DAPK2: variants seen among roughly 807,000 people sequenced by gnomAD.
DAPK2 encodes death associated protein kinase 2, also known as death-associated protein kinase 2.
A neutral mutation model predicts 44.1 loss-of-function variants in DAPK2; 35 were observed. The observed-to-expected ratio is 0.79, with a 90% confidence interval of 0.61 to 1.05. The LOEUF is 1.05. DAPK2 is among the 50% of genes least tolerant of loss of function. The probability of loss-of-function intolerance (pLI) is 0.00; values close to 1 mark genes in which losing one functional copy is unlikely to be tolerated. For synonymous variants in DAPK2, 174 were observed against 182.6 expected (o/e 0.95, Z 0.38); for missense variants, 453 against 483.2 (o/e 0.94, Z 0.59).
intron 1 of DAPK2, among the ~76,000 whole-genome samples, chr15:63,989,839 G>A (rs532891921): frequency 2.6e-5 from 4 of 152,042 alleles, no homozygotes; most frequent in African/African-American, 4.8e-5. Context: ...TTACAGGTGC[G>A]CACCATTATA....
At chr15:63,945,926 C>T (rs1042044367) in intron 3 of DAPK2, among the ~76,000 whole-genome samples, 7 of 152,262 alleles carry the variant, frequency 4.6e-5, no homozygotes, top group African/African-American at 1.7e-4. Flanking sequence ...CTGCTGGGTC[C>T]AAGCCAGAGT....
chr15:63,991,609 CA>C (rs2078821981), intron 1 of DAPK2, among the ~76,000 whole-genome samples: 1 of 152,168 alleles, frequency 6.6e-6, no homozygotes, highest in South Asian at 2.1e-4. Flanking sequence ...CGCCCCCACC[CA>C]TGAGGCCTAA....
intron 3 of DAPK2, among the ~76,000 whole-genome samples, chr15:63,953,500 T>C (rs1281900501): frequency 1.3e-5 from 2 of 152,216 alleles, no homozygotes; most frequent in Non-Finnish European, 2.9e-5. Flanking sequence ...ATTTACCACA[T>C]TTTCTTTATC....
chr15:64,024,305 G>A (rs1439899576), intron 1 of DAPK2, among the ~76,000 whole-genome samples: 2 of 152,200 alleles, frequency 1.3e-5, no homozygotes, highest in Non-Finnish European at 2.9e-5. Context: ...TCTCGAAGGA[G>A]GAAAGTGATC....
At chr15:64,010,956 G>A (rs1303755146) in intron 1 of DAPK2, among the ~76,000 whole-genome samples, 2 of 152,226 alleles carry the variant, frequency 1.3e-5, no homozygotes, top group Non-Finnish European at 2.9e-5. Flanking sequence ...GCAACCCCAT[G>A]TGGAGGTGGC....
rs1233918566 is a variant in DAPK2 at position 64,036,307 on chromosome 15, G to GTATATATATATATA, written c.92+3862_92+3863insTATATATATATATA. Reference sequence around the variant, plus strand: ...TGTGTGTGTGTGTGTGTGTGTGTGTGTGTATATATATGTATATATATATAT... The same window carrying GTATATATATATATA: ...TGTGTGTGTGTGTGTGTGTGTGTGTGTATATATATATATATGTATATATATGTATATATATATAT... On this transcript the variant is annotated intron_variant, in intron 1 of 10. Coordinates refer to ENST00000261891, the Ensembl canonical transcript of DAPK2. 2.9e-3 allele frequency among the ~76,000 whole-genome samples: 152 copies of GTATATATATATATA among 53,102 alleles called. 2 individuals are homozygous for GTATATATATATATA. In the East Asian group the frequency reaches 0.037, roughly 13 times the overall value. The allele number at this position is 53,102 out of a possible 152,430, so 34.8% of individuals were successfully genotyped here.
chr15:63,981,155 T>C (rs1176260135), intron 2 of DAPK2, among the ~76,000 whole-genome samples: 2 of 151,424 alleles, frequency 1.3e-5, no homozygotes, highest in Non-Finnish European at 2.9e-5. Context: ...ATTAATCCAT[T>C]CATGCATTAG....
intron 3 of DAPK2, among the ~76,000 whole-genome samples, chr15:63,942,002 C>T (rs562557919): frequency 5.3e-5 from 8 of 152,374 alleles, no homozygotes; most frequent in Admixed American, 3.3e-4. Flanking sequence ...GACAGTGAGA[C>T]ATCTCCCTGG....
chr15:63,963,889 C>T, intron 3 of DAPK2, among the ~76,000 whole-genome samples: 1 of 152,090 alleles, frequency 6.6e-6, no homozygotes. Context: ...CTTTTTGTTT[C>T]TGTTTATATC....
At chr15:64,042,181 A>G (rs1248348719), upstream of DAPK2, among the ~76,000 whole-genome samples, 3 of 152,150 alleles carry the variant, frequency 2.0e-5, no homozygotes, top group Non-Finnish European at 4.4e-5. This position sits in a 1 kb window ranked among gnomAD's most constrained non-coding sequence, Gnocchi z 4.7. Context: ...ACTACTGTAC[A>G]AATAAGAAAG....
At chr15:64,027,395 AC>A (rs1027417006) in intron 1 of DAPK2, among the ~76,000 whole-genome samples, 4 of 151,560 alleles carry the variant, frequency 2.6e-5, no homozygotes, top group African/African-American at 4.8e-5. Flanking sequence ...AAACAAAAAA[AC>A]AAAACAAAAA....
At chr15:63,940,222 A>T (rs1033344238) in intron 3 of DAPK2, among the ~76,000 whole-genome samples, 1 of 152,306 alleles carries the variant, frequency 6.6e-6, no homozygotes, top group Admixed American at 6.5e-5. Context: ...TCCACTCTAA[A>T]GGAAATGTCC....
chr15:64,003,301 A>C (rs1357779910), intron 1 of DAPK2, among the ~76,000 whole-genome samples: 2 of 152,134 alleles, frequency 1.3e-5, no homozygotes, highest in Non-Finnish European at 2.9e-5. Context: ...AGTGAGGAAA[A>C]ACTTGGAATA....
rs1184983625 is a variant in DAPK2, at chr15:63,966,022, C to T, written c.453+5401G>A. 6.6e-6 allele frequency among the ~76,000 whole-genome samples: 1 copy of T among 152,224 alleles called. No homozygotes were observed. Among genetic ancestry groups the T allele is most frequent in the Admixed American group, 6.5e-5 (1 of 15,284 alleles). On this transcript the variant is annotated intron_variant, in intron 3 of 10. Transcript: ENST00000261891. The surrounding 1 kb of genome is among the most constrained non-coding windows in gnomAD (Gnocchi z 5.5). ...TTCCCTTTCCTCTTTCCATAGCCAC[C>T]ACAGCTGGGAATGTGCTGGGTCACA...
chr15:63,973,397 G>A (rs1011865348), intron 2 of DAPK2, among the ~76,000 whole-genome samples: 1 of 152,230 alleles, frequency 6.6e-6, no homozygotes, highest in Non-Finnish European at 1.5e-5. Context: ...CATGGGCCTG[G>A]AGGGCAGAGC....
chr15:63,947,344 G>A (rs545555001), intron 3 of DAPK2, among the ~76,000 whole-genome samples: 8 of 124,150 alleles, frequency 6.4e-5, no homozygotes, highest in African/African-American at 1.9e-4. Flanking sequence ...AACCCCATAA[G>A]GAAGGACAAG....
rs1211954313 is a variant in DAPK2 at position 63,930,471 on chromosome 15, T to C, written c.584-16A>G. 1 of 1,613,696 alleles carries C rather than the reference T, an allele frequency of 6.2e-7. No homozygotes were observed. Among genetic ancestry groups the C allele is most frequent in the Non-Finnish European group, 8.5e-7 (1 of 1,179,612 alleles). On this transcript the variant is annotated splice_polypyrimidine_tract_variant and intron_variant, in intron 4 of 10. Coordinates refer to ENST00000261891, the Ensembl canonical transcript of DAPK2. ...ATTTCTGGAGCTGAAAGAAGTCATA[T>C]TAAATAGTCAACATGAGTGTGAAAA...
At chr15:63,926,222 C>T (rs565576083) in intron 6 of DAPK2, 129 bp from the exon 8 acceptor site, 4 of 1,035,546 alleles carry the variant, frequency 3.9e-6, no homozygotes, top group East Asian at 5.0e-5. Flanking sequence ...CAGCCTGCCC[C>T]CTCTGGGCAG....
chr15:63,997,367 A>G (rs1318612561), intron 1 of DAPK2, among the ~76,000 whole-genome samples: 1 of 152,172 alleles, frequency 6.6e-6, no homozygotes, highest in African/African-American at 2.4e-5. Context: ...TCGCTCTGTC[A>G]CCCAGGCTGG....
Sources: gnomAD v4.1 joint callset for allele counts (sites outside exome capture counted in the v4.1 genomes callset) on GRCh38, gnomAD v4.1.1 for gene constraint, Gnocchi (gnomAD v3.1) non-coding constraint, MANE v1.5 for transcripts, NCBI Gene and HGNC (gene_info 2026-07-23, HGNC 2026-07-21) for gene names.